Variants in DOCK8 observed in about 807,000 individuals in gnomAD.
DOCK8 encodes dedicator of cytokinesis 8, also known as dedicator of cytokinesis protein 8.
Under a neutral mutation model 245.6 loss-of-function variants are expected in DOCK8, and 141 were observed. The observed-to-expected ratio is 0.57, with a 90% CI of 0.50 to 0.66. DOCK8 has a LOEUF of 0.66. Among genes scored for constraint, DOCK8 ranks in the 30% least tolerant of loss-of-function variants. The pLI, the probability that DOCK8 is intolerant of heterozygous loss-of-function variation, is 0.00. For missense variants in DOCK8, 2,965 were observed against 2,603.4 expected (o/e 1.14, Z -3.02); for synonymous variants, 1,168 against 970.2 (o/e 1.20, Z -3.79).
intron 2 of DOCK8, among the ~76,000 whole-genome samples, chr9:279,601 C>G (rs549555070): frequency 2.0e-5 from 3 of 152,126 alleles, no homozygotes; most frequent in Non-Finnish European, 4.4e-5. Context: ...AATTGGTTGC[C>G]TTCCATGGGA....
intron 1 of DOCK8, among the ~76,000 whole-genome samples, chr9:261,623 T>C (rs1055244209): frequency 6.6e-6 from 1 of 152,214 alleles, no homozygotes; most frequent in Non-Finnish European, 1.5e-5. Context: ...TTAGCACAAG[T>C]CTGTTTATCA....
At chr9:407,170 T>A in intron 28 of DOCK8, 101 bp downstream of exon 28, 2 of 1,542,442 alleles carry the variant, frequency 1.3e-6, no homozygotes, top group Non-Finnish European at 1.8e-6. Context: ...AAAACTCTAC[T>A]GTAGTTGACC....
At chr9:304,537 T>C in intron 4 of DOCK8, 44 bp from the exon 5 acceptor site, 1 of 1,613,006 alleles carries the variant, frequency 6.2e-7, no homozygotes, top group Non-Finnish European at 8.5e-7. Context: ...TTTGCCGCTC[T>C]CTCTCCCTCT....
intron 7 of DOCK8, among the ~76,000 whole-genome samples, chr9:323,955 A>C (rs577671210): frequency 5.3e-5 from 8 of 152,210 alleles, no homozygotes; most frequent in Non-Finnish European, 7.3e-5. Context: ...GGCTATTGTG[A>C]ATAGTGCTGC....
intron 2 of DOCK8, 90 bp downstream of exon 2, chr9:271,819 A>G (rs2048172534): frequency 2.0e-5 from 17 of 834,644 alleles, no homozygotes; most frequent in Non-Finnish European, 3.1e-5. Flanking sequence ...AGATCTTCCT[A>G]CCATCACCTC....
intron 2 of DOCK8, among the ~76,000 whole-genome samples, chr9:284,162 G>A (rs999237926): frequency 9.9e-5 from 15 of 152,126 alleles, no homozygotes; most frequent in African/African-American, 2.7e-4. Context: ...GTTGGGTGGC[G>A]TGGGAGAGTC....
At chr9:302,648 C>A (rs1048220123) in intron 4 of DOCK8, among the ~76,000 whole-genome samples, 29 of 152,028 alleles carry the variant, frequency 1.9e-4, no homozygotes, top group Non-Finnish European at 4.1e-4. Context: ...TTAGATAATT[C>A]AACATGCAAA....
At chr9:212,428 C>T (rs572658089), upstream of DOCK8, among the ~76,000 whole-genome samples, 4 of 152,178 alleles carry the variant, frequency 2.6e-5, no homozygotes, top group Admixed American at 6.5e-5. Flanking sequence ...CCATCAGATG[C>T]GGAAAGAAGG....
intron 4 of DOCK8, among the ~76,000 whole-genome samples, chr9:297,272 C>T (rs894157307): frequency 6.6e-6 from 1 of 152,206 alleles, no homozygotes; most frequent in Non-Finnish European, 1.5e-5. Flanking sequence ...GAGACTAAGG[C>T]ACTTGCCCAA....
Position 312,037 on chromosome 9 carries a change from G to A in DOCK8, c.612G>A (p.Leu204=). Residue 204 remains leucine, a synonymous_variant, in exon 6 of 48, where the codon CTG becomes CTA. Coordinates refer to ENST00000432829, the MANE Select transcript of DOCK8 (RefSeq NM_203447.4). ...CCTGTGACTTTGACCTCCGCAGCCT[G>A]CAGCCTGACAAGCGGCTAGAAAACC... The part of the protein sequence containing the change: ...VTACDFDLRS[L]QPDKRLENLL... 6.2e-7 allele frequency: 1 copy of A among 1,614,184 alleles called. No individual in the cohort carries two copies. The highest frequency in any genetic ancestry group is 2.2e-5 in the East Asian group (1 of 44,880).
chr9:223,146 T>C (rs1037046829), intron 1 of DOCK8, among the ~76,000 whole-genome samples: 23 of 152,328 alleles, frequency 1.5e-4, no homozygotes, highest in African/African-American at 5.5e-4. Context: ...TCTGTCATTC[T>C]CATCAAAGGG....
intron 4 of DOCK8, among the ~76,000 whole-genome samples, chr9:294,966 C>T (rs908569055): frequency 1.3e-5 from 2 of 152,110 alleles, no homozygotes; most frequent in African/African-American, 2.4e-5. Flanking sequence ...TCCAGACCAG[C>T]CTGACCAACA....
At chr9:400,947 T>TCACCACCACCACCAGCTCCAC (rs2055017192) in intron 26 of DOCK8, among the ~76,000 whole-genome samples, 1 of 28,552 alleles carries the variant, frequency 3.5e-5, no homozygotes, top group Admixed American at 3.5e-4. Flanking sequence ...ACCACCACCA[T>TCACCACCACCACCAGCTCCAC]CACCACCACC....
intron 14 of DOCK8, among the ~76,000 whole-genome samples, chr9:363,645 G>GA (rs1164785816): frequency 1.3e-5 from 2 of 152,106 alleles, no homozygotes; most frequent in Admixed American, 1.3e-4. Flanking sequence ...TAACCTTTCT[G>GA]GATGTTAGTT....
intron 39 of DOCK8, among the ~76,000 whole-genome samples, chr9:436,461 T>C (rs1218338809): frequency 6.6e-6 from 1 of 152,222 alleles, no homozygotes; most frequent in East Asian, 1.9e-4. Flanking sequence ...TCCCAGGAAA[T>C]TGTAAGGTTT....
intron 36 of DOCK8, among the ~76,000 whole-genome samples, chr9:430,838 G>A (rs909674573): frequency 2.6e-5 from 4 of 152,022 alleles, no homozygotes; most frequent in South Asian, 2.1e-4. Flanking sequence ...TTAAATGATC[G>A]GTGTCATCTA....
At chr9:301,595 A>C (rs763654131) in intron 4 of DOCK8, among the ~76,000 whole-genome samples, 8 of 152,262 alleles carry the variant, frequency 5.3e-5, no homozygotes, top group Non-Finnish European at 1.0e-4. Flanking sequence ...TGTACCCAGA[A>C]AACACTGCAG....
intron 9 of DOCK8, among the ~76,000 whole-genome samples, chr9:328,952 T>TC (rs2050884967): frequency 7.1e-6 from 1 of 141,072 alleles, no homozygotes; most frequent in Admixed American, 7.0e-5. Context: ...TTTTTTTTTT[T>TC]TTTTTTTTTT....
At chr9:360,385 G>A (rs567323991) in intron 14 of DOCK8, among the ~76,000 whole-genome samples, 75 of 150,678 alleles carry the variant, frequency 5.0e-4, no homozygotes, top group African/African-American at 1.6e-3. Flanking sequence ...ACCCTTCCCC[G>A]AATATCCATA....
Sources: allele counts gnomAD v4.1 joint callset (sites outside exome capture counted in the v4.1 genomes callset), GRCh38; gene constraint gnomAD v4.1.1; transcripts MANE v1.5; gene names NCBI Gene and HGNC (gene_info 2026-07-23, HGNC 2026-07-21).